CLEC4A: variants seen among roughly 807,000 people sequenced by gnomAD.
CLEC4A encodes the protein C-type (calcium dependent, carbohydrate-recognition domain) lectin, superfamily member 6.
A neutral mutation model predicts 32.7 loss-of-function variants in CLEC4A; 27 were observed. The ratio of observed to expected loss-of-function variants is 0.83; its 90% CI spans 0.61 to 1.14. The LOEUF is 1.14. Ranked by LOEUF, CLEC4A falls within the 50% of genes most tolerant of loss-of-function variation. The probability of loss-of-function intolerance (pLI) is 0.00; values close to 1 mark genes in which losing one functional copy is unlikely to be tolerated. For synonymous variants in CLEC4A, 89 were observed against 93.7 expected, an observed-to-expected ratio of 0.95 and a Z score of 0.29; for missense variants, 253 against 274.6, an observed-to-expected ratio of 0.92 and a Z score of 0.55.
At chr12:8,128,580 T>C (rs1377216426) in intron 2 of CLEC4A, among the ~76,000 whole-genome samples, 2 of 152,066 alleles carry the variant, frequency 1.3e-5, no homozygotes, top group African/African-American at 4.8e-5. Flanking sequence ...CCAGCTGATT[T>C]TTGTACTTTG....
intron 2 of CLEC4A, among the ~76,000 whole-genome samples, chr12:8,128,750 T>A (rs1947942797): frequency 6.6e-6 from 1 of 152,116 alleles, no homozygotes; most frequent in South Asian, 2.1e-4. Context: ...GGGAGAAACA[T>A]GAGAGCGTTG....
chr12:8,112,333 C>A, the CLEC4A span, among the ~76,000 whole-genome samples: 1 of 152,128 alleles, frequency 6.6e-6, no homozygotes, highest in Non-Finnish European at 1.5e-5. Flanking sequence ...AGGTAGTGAG[C>A]ATAGTATCCA....
At chr12:8,122,627 T>C (rs1947843758), upstream of CLEC4A, among the ~76,000 whole-genome samples, 1 of 151,824 alleles carries the variant, frequency 6.6e-6, no homozygotes, top group Non-Finnish European at 1.5e-5. Context: ...AGGAGATTGA[T>C]CAAATAAGGA....
chr12:8,130,370 GTTA>G lies in CLEC4A; in HGVS notation c.298+1023_298+1025del, dbSNP rs1305130712. On this transcript the variant is annotated intron_variant, in intron 3 of 5. Coordinates refer to ENST00000229332, the MANE Select transcript of CLEC4A (RefSeq NM_016184.4). Reference sequence around the variant, plus strand: ...AAATTATTTAAATTAATAGATTATTGTTATTATTATTATTATTTTTGAGATAGG... The same window carrying G: ...AAATTATTTAAATTAATAGATTATTGTTATTATTATTATTTTTGAGATAGG... Among the ~76,000 whole-genome samples, 7 of 151,498 alleles carry G rather than the reference GTTA, an allele frequency of 4.6e-5. No individual in the cohort carries two copies. The South Asian group carries it at 1.3e-3, about 27-fold the overall frequency.
At chr12:8,135,447 G>C in intron 3 of CLEC4A, 138 bp from the exon 4 acceptor site, 2 of 771,398 alleles carry the variant, frequency 2.6e-6, no homozygotes. Flanking sequence ...CTGAGGGGCA[G>C]GGGCTCCTGG....
intron 3 of CLEC4A, among the ~76,000 whole-genome samples, chr12:8,133,314 G>A (rs1261760444): frequency 3.3e-5 from 5 of 152,292 alleles, no homozygotes; most frequent in South Asian, 2.1e-4. Context: ...GCCTCCTAAA[G>A]TGCTGGGTTT....
rs1948162375 is a variant in CLEC4A at position 8,138,283 on chromosome 12, T to C, written c.710T>C (p.Leu237Ser). The change falls in exon 6 of 6, where the codon TTA (leucine) becomes TCA (serine). Residue 237 changes from leucine to serine, a missense_variant. Leu to Ser is a moderately radical substitution (Grantham distance 145, BLOSUM62 -2). Transcript: ENST00000229332. ...GTTTGTGAGATGATGAAGATCCACT[T>C]ATGAACTGAACATTCTCCATGAACA... ...RSVCEMMKIH[L>S] 6.2e-7 allele frequency: 1 copy of C among 1,614,028 alleles called. No homozygotes were observed. Among genetic ancestry groups the C allele is most frequent in the Non-Finnish European group, 8.5e-7 (1 of 1,180,016 alleles).
intron 2 of CLEC4A, among the ~76,000 whole-genome samples, chr12:8,128,072 A>G (rs2120583763): frequency 6.6e-6 from 1 of 152,326 alleles, no homozygotes; most frequent in Non-Finnish European, 1.5e-5. Context: ...ACTCACGGAG[A>G]TAACTTAGTA....
At chr12:8,122,800 A>G (rs76229782), upstream of CLEC4A, among the ~76,000 whole-genome samples, 1,828 of 152,150 alleles carry the variant, frequency 0.012, 45 homozygotes, top group African/African-American at 0.041. Context: ...AATAATATAG[A>G]AATATAGACG....
At chr12:8,124,445 G>C (rs1002445277) in intron 1 of CLEC4A, among the ~76,000 whole-genome samples, 2 of 152,180 alleles carry the variant, frequency 1.3e-5, no homozygotes, top group African/African-American at 4.8e-5. Flanking sequence ...AAAGGCCTTT[G>C]CAAATGAAAG....
At chr12:8,121,322 T>C (rs1241895384), upstream of CLEC4A, 1 of 152,272 alleles carries the variant, frequency 6.6e-6, no homozygotes, top group African/African-American at 2.4e-5. Context: ...CCTGTCTACG[T>C]GCATGTGCTG....
intron 3 of CLEC4A, chr12:8,134,979 G>GTTTTTTGTTTTTTTTTTTTTTTTT: frequency 6.7e-6 from 1 of 148,578 alleles, no homozygotes; most frequent in Non-Finnish European, 9.4e-6. Flanking sequence ...AAGCGTTTTT[G>GTTTTTTGTTTTTTTTTTTTTTTTT]TTTTTTGTTT....
the CLEC4A span, among the ~76,000 whole-genome samples, chr12:8,118,303 T>G: frequency 6.6e-6 from 1 of 152,046 alleles, no homozygotes; most frequent in Non-Finnish European, 1.5e-5. Flanking sequence ...CAACATACAA[T>G]GGAATATTAT....
rs1220550649 is a variant in CLEC4A, at chr12:8,134,069, T to C, written c.299-1516T>C. On this transcript the variant is annotated intron_variant, in intron 3 of 5. Transcript: ENST00000229332. ...CTCCAGCCCAAGCTGCTGGGCGATG[T>C]GGCTGATCTGCTGCAGTGTGGGTTT... 3.1e-6 allele frequency: 5 copies of C among 1,590,382 alleles called. No individual in the cohort carries two copies. The African/African-American group carries it at 4.0e-5, about 13-fold the overall frequency.
chr12:8,134,284 C>G, intron 3 of CLEC4A: 7 of 1,612,420 alleles, frequency 4.3e-6, no homozygotes, highest in Non-Finnish European at 4.2e-6. Context: ...AGCTAAGCTG[C>G]AGAGCCTCAA....
At chr12:8,107,265 G>C in the CLEC4A span, among the ~76,000 whole-genome samples, 1 of 152,102 alleles carries the variant, frequency 6.6e-6, no homozygotes, top group Non-Finnish European at 1.5e-5. Context: ...TGTGCTACTG[G>C]ATTTGGTTTG....
chr12:8,124,055 G>T lies in CLEC4A; in HGVS notation c.82+95G>T, dbSNP rs778991700. 3.0e-5 allele frequency: 24 copies of T among 804,958 alleles called. No homozygotes were observed. The African/African-American group carries it at 3.2e-4, about 11-fold the overall frequency. 49.9% of individuals were successfully genotyped at this position (804,958 alleles called of 1,614,324 possible). On this transcript the variant is annotated intron_variant, in intron 1 of 5. Transcript: ENST00000229332. The stretch of plus-strand genomic sequence containing the variant: ...GCATAGGTGTTTTCAGTTGCTGGTT[G>T]TCTGATTGAGTATGTCTGGGAAACA...
chr12:8,118,368 C>T, the CLEC4A span, among the ~76,000 whole-genome samples: 2 of 144,934 alleles, frequency 1.4e-5, no homozygotes, highest in Non-Finnish European at 3.0e-5. Flanking sequence ...GTGTCCCTCT[C>T]TGTATTAGTC....
Position 8,123,891 on chromosome 12 carries a change from A to G in CLEC4A, c.13A>G (p.Ile5Val), listed in dbSNP as rs1947858180. The change falls in exon 1 of 6, where the codon ATC becomes GTC. Residue 5 changes from isoleucine to valine, a missense_variant. By Grantham distance (29) the Ile-to-Val change is conservative (BLOSUM62 3). Transcript: ENST00000229332. MTSE[I>V]TYAEVRFKNE... ...CTCTCTTCCCATTATGACTTCGGAA[A>G]TCACTTATGCTGAAGTGAGGTTCAA... The G allele has an allele frequency of 1.2e-6, 2 of 1,610,740 alleles. No homozygotes were observed. The highest frequency in any genetic ancestry group is 1.7e-6 in the Non-Finnish European group (2 of 1,176,872).
Sources: gnomAD v4.1 joint callset for allele counts (sites outside exome capture counted in the v4.1 genomes callset) on GRCh38, gnomAD v4.1.1 for gene constraint, MANE v1.5 for transcripts, NCBI Gene and HGNC (gene_info 2026-07-23, HGNC 2026-07-21) for gene names.